TSPAN18: variants seen among roughly 807,000 people sequenced by gnomAD.
The protein encoded by TSPAN18 is tetraspanin 18.
A neutral mutation model predicts 27.3 loss-of-function variants in TSPAN18; 14 were observed. The ratio of observed to expected loss-of-function variants is 0.51; its 90% CI spans 0.34 to 0.80. The LOEUF is 0.80. Ranked by LOEUF, TSPAN18 falls within the 30% of genes least tolerant of loss-of-function variation. TSPAN18 has a pLI of 0.01. For missense variants in TSPAN18, 268 were observed against 323.9 expected (o/e 0.83, Z 1.32); for synonymous variants, 143 against 136.5 (o/e 1.05, Z -0.33).
At chr11:44,857,274 C>T (rs1857762811) in intron 2 of TSPAN18, among the ~76,000 whole-genome samples, 1 of 152,236 alleles carries the variant, frequency 6.6e-6, no homozygotes. Flanking sequence ...TTTGCATGAA[C>T]TTGACCTACG....
At chr11:44,792,598 A>G (rs1023216172) in intron 2 of TSPAN18, among the ~76,000 whole-genome samples, 6 of 152,166 alleles carry the variant, frequency 3.9e-5, no homozygotes, top group African/African-American at 1.4e-4. Flanking sequence ...GAATTCAGAA[A>G]GGAGCCGGGG....
intron 2 of TSPAN18, among the ~76,000 whole-genome samples, chr11:44,800,132 C>T (rs1856447585): frequency 6.7e-6 from 1 of 150,336 alleles, no homozygotes; most frequent in South Asian, 2.1e-4. Context: ...GCTGGGGTTA[C>T]AGGTGTGAGC....
intron 8 of TSPAN18, among the ~76,000 whole-genome samples, chr11:44,925,260 C>A (rs763048886): frequency 3.9e-5 from 6 of 152,256 alleles, no homozygotes; most frequent in Non-Finnish European, 8.8e-5. Flanking sequence ...CACACCAGAC[C>A]CACTGATCCA....
At chr11:44,863,436 C>T (rs975474264) in intron 3 of TSPAN18, among the ~76,000 whole-genome samples, 2 of 152,224 alleles carry the variant, frequency 1.3e-5, no homozygotes, top group Non-Finnish European at 2.9e-5. Flanking sequence ...TAGCGCCTCC[C>T]TTTTCCTTTT....
rs1860045007 is a variant in TSPAN18 at position 44,919,522 on chromosome 11, G to A, written c.432+210G>A. The A allele has an allele frequency of 8.1e-6, 5 of 619,240 alleles. No individual in the cohort carries two copies. The Admixed American group carries it at 1.0e-4, about 13-fold the overall frequency. 38.4% of individuals were successfully genotyped at this position (619,240 alleles called of 1,614,324 possible). ...GAAACCTGTTTGCTCTCCCTGTCTT[G>A]GGTCCCCAAGCAATGGTCATTATGA... is the stretch of plus-strand genomic sequence containing the variant. On this transcript the variant is annotated intron_variant, in intron 7 of 9. Transcript: ENST00000520358.
chr11:44,920,710 G>T (rs925061859), intron 8 of TSPAN18, among the ~76,000 whole-genome samples: 6 of 152,148 alleles, frequency 3.9e-5, no homozygotes, highest in African/African-American at 1.4e-4. Flanking sequence ...GAGGACGAGG[G>T]TGATCTAAGC....
chr11:44,802,481 G>T (rs1400744866), intron 2 of TSPAN18, among the ~76,000 whole-genome samples: 1 of 152,122 alleles, frequency 6.6e-6, no homozygotes, highest in African/African-American at 2.4e-5. Flanking sequence ...AAATCCCTCT[G>T]GCTGCTGCAT....
At chr11:44,862,319 C>T (rs1189847624) in intron 3 of TSPAN18, among the ~76,000 whole-genome samples, 1 of 152,198 alleles carries the variant, frequency 6.6e-6, no homozygotes, top group African/African-American at 2.4e-5. Context: ...AGAAAAAATA[C>T]CGAAAACCAC....
chr11:44,793,981 G>A (rs1377150172), intron 2 of TSPAN18, among the ~76,000 whole-genome samples: 2 of 152,200 alleles, frequency 1.3e-5, no homozygotes, highest in Admixed American at 6.5e-5. Context: ...AGGAACAGGG[G>A]GGTGGGGGGA....
chr11:44,837,933 C>T (rs1397461483), intron 2 of TSPAN18, among the ~76,000 whole-genome samples: 1 of 152,138 alleles, frequency 6.6e-6, no homozygotes, highest in Non-Finnish European at 1.5e-5. Flanking sequence ...TTGTGTGACT[C>T]ATTTTATTGT....
At chr11:44,732,730 G>A (rs1397212529) in intron 1 of TSPAN18, among the ~76,000 whole-genome samples, 1 of 152,196 alleles carries the variant, frequency 6.6e-6, no homozygotes, top group Admixed American at 6.5e-5. Flanking sequence ...GTAATGGAAA[G>A]AGGATGCATA....
chr11:44,911,782 G>A (rs559088708), intron 5 of TSPAN18, among the ~76,000 whole-genome samples: 1 of 152,212 alleles, frequency 6.6e-6, no homozygotes, highest in East Asian at 1.9e-4. Context: ...CCTGCCAGCC[G>A]CCCCAGGACG....
chr11:44,917,672 G>T (rs1358162413), intron 5 of TSPAN18: 11 of 300,628 alleles, frequency 3.7e-5, no homozygotes, highest in Non-Finnish European at 6.1e-5. Flanking sequence ...CTCCTTCCAG[G>T]GTGGCTGAGT....
chr11:44,809,853 A>G (rs1856676281), intron 2 of TSPAN18, among the ~76,000 whole-genome samples: 1 of 152,228 alleles, frequency 6.6e-6, no homozygotes, highest in Non-Finnish European at 1.5e-5. Context: ...GGCCATAGGT[A>G]CTCAGTAAAT....
intron 8 of TSPAN18, among the ~76,000 whole-genome samples, chr11:44,924,095 G>GT (rs944152856): frequency 0.017 from 2,019 of 117,954 alleles, 49 homozygotes; most frequent in African/African-American, 0.059. Context: ...CCCCTTCTGG[G>GT]GTTGTGTGTG....
At chr11:44,925,051 T>C (rs774822016) in intron 8 of TSPAN18, among the ~76,000 whole-genome samples, 4 of 152,326 alleles carry the variant, frequency 2.6e-5, no homozygotes, top group South Asian at 4.1e-4. Flanking sequence ...TAGGAACCCC[T>C]GGGTTGCCCT....
intron 1 of TSPAN18, among the ~76,000 whole-genome samples, chr11:44,731,706 T>C (rs1854665717): frequency 6.6e-6 from 1 of 151,736 alleles, no homozygotes; most frequent in South Asian, 2.1e-4. Flanking sequence ...CTTTTTTGGT[T>C]CTTTTCTTCC....
intron 2 of TSPAN18, among the ~76,000 whole-genome samples, chr11:44,799,725 A>T (rs770822071): frequency 1.3e-5 from 2 of 152,226 alleles, no homozygotes; most frequent in Non-Finnish European, 2.9e-5. Flanking sequence ...GTGATGACCC[A>T]TTCCCAGGGT....
intron 2 of TSPAN18, among the ~76,000 whole-genome samples, chr11:44,786,908 A>G (rs1856072060): frequency 6.6e-6 from 1 of 152,116 alleles, no homozygotes. Flanking sequence ...CTAGGATTAC[A>G]GGCATGAGCC....
Sources: gnomAD v4.1 joint callset for allele counts (sites outside exome capture counted in the v4.1 genomes callset) on GRCh38, gnomAD v4.1.1 for gene constraint, MANE v1.5 for transcripts, NCBI Gene and HGNC (gene_info 2026-07-23, HGNC 2026-07-21) for gene names.